Variants in SYN2 observed in about 807,000 individuals in gnomAD.
SYN2 encodes synapsin II, also known as synapsin-2.
SYN2 carries 19 observed loss-of-function variants against 50.9 expected under a neutral mutation model. That is an observed-to-expected ratio of 0.37 (90% CI 0.26 to 0.55). The LOEUF is 0.55. Among genes scored for constraint, SYN2 ranks in the 20% least tolerant of loss-of-function variants. The probability of loss-of-function intolerance (pLI) is 0.81; values close to 1 mark genes in which losing one functional copy is unlikely to be tolerated. For missense variants in SYN2, 587 were observed against 576.4 expected (o/e 1.02, Z -0.19); for synonymous variants, 255 against 224.9 (o/e 1.13, Z -1.20).
At chr3:12,124,185 CAAAAT>C (rs893431275) in intron 1 of SYN2, among the ~76,000 whole-genome samples, 29 of 151,694 alleles carry the variant, frequency 1.9e-4, no homozygotes, top group African/African-American at 7.0e-4. Context: ...TAAAGCAAAA[CAAAAT>C]AAAAATAGAA....
At chr3:12,170,367 G>T (rs1697911835) in intron 10 of SYN2, among the ~76,000 whole-genome samples, 1 of 152,188 alleles carries the variant, frequency 6.6e-6, no homozygotes, top group African/African-American at 2.4e-5. Context: ...GGAGAGTCAG[G>T]TCCCTCATTC....
At chr3:12,010,670 A>G (rs1166882710) in intron 1 of SYN2, among the ~76,000 whole-genome samples, 2 of 152,204 alleles carry the variant, frequency 1.3e-5, no homozygotes, top group African/African-American at 4.8e-5. Flanking sequence ...CCTTTCCAGT[A>G]CTGTATTATT....
chr3:12,020,745 T>C (rs1694116365), intron 1 of SYN2, among the ~76,000 whole-genome samples: 1 of 152,202 alleles, frequency 6.6e-6, no homozygotes, highest in South Asian at 2.1e-4. Context: ...AGGTTTCCCA[T>C]GTACTTCATA....
At chr3:12,116,320 G>T (rs1696432250) in intron 1 of SYN2, among the ~76,000 whole-genome samples, 2 of 152,192 alleles carry the variant, frequency 1.3e-5, no homozygotes, top group Admixed American at 6.5e-5. Context: ...TCAGAGAAAG[G>T]TTGGAAGAAG....
At chr3:12,107,209 T>C (rs1009364678) in intron 1 of SYN2, among the ~76,000 whole-genome samples, 3 of 152,170 alleles carry the variant, frequency 2.0e-5, no homozygotes, top group Admixed American at 1.3e-4. Flanking sequence ...ATACTTGAAA[T>C]TGGGCATCAG....
chr3:12,064,948 C>T (rs1695181620), intron 1 of SYN2, among the ~76,000 whole-genome samples: 1 of 151,966 alleles, frequency 6.6e-6, no homozygotes, highest in African/African-American at 2.4e-5. Flanking sequence ...TTCATATAGC[C>T]AAAAAGTGAA....
chr3:12,009,320 ATC>A (rs35679629), intron 1 of SYN2, among the ~76,000 whole-genome samples: 16,180 of 150,640 alleles, frequency 0.11, 1,116 homozygotes, highest in African/African-American at 0.19. Context: ...TAGAACTTTA[ATC>A]TCTCTACCAT....
At chr3:12,183,179 A>G (rs962814311) in intron 10 of SYN2, 133 bp from the exon 11 acceptor site, 6 of 1,267,340 alleles carry the variant, frequency 4.7e-6, no homozygotes, top group Non-Finnish European at 5.3e-6. Flanking sequence ...GCAGAAGCCT[A>G]TGGCCAGATC....
intron 4 of SYN2, among the ~76,000 whole-genome samples, chr3:12,147,143 T>C (rs1046329655): frequency 6.6e-6 from 1 of 152,138 alleles, no homozygotes; most frequent in African/African-American, 2.4e-5. Context: ...TTGTGTCTAA[T>C]TGTGAAGTTT....
intron 1 of SYN2, among the ~76,000 whole-genome samples, chr3:12,036,899 G>T (rs1490385427): frequency 6.6e-6 from 1 of 152,006 alleles, no homozygotes; most frequent in Non-Finnish European, 1.5e-5. Flanking sequence ...TACTATAAGG[G>T]GCCAAAGGAA....
chr3:12,173,880 C>G (rs1429555440), intron 10 of SYN2, among the ~76,000 whole-genome samples: 2 of 152,158 alleles, frequency 1.3e-5, no homozygotes, highest in Non-Finnish European at 2.9e-5. Context: ...TACCAGTGCA[C>G]CTGGGTGACA....
At chr3:12,179,231 T>C (rs1698165404) in intron 10 of SYN2, among the ~76,000 whole-genome samples, 1 of 147,240 alleles carries the variant, frequency 6.8e-6, no homozygotes, top group Non-Finnish European at 1.5e-5. Context: ...CCTGAAAGCC[T>C]ATACCTGCAA....
At chr3:12,095,496 C>T (rs9828885) in intron 1 of SYN2, among the ~76,000 whole-genome samples, 77,691 of 79,332 alleles carry the variant, frequency 0.98, 38,060 homozygotes, top group Middle Eastern at 0.99. Flanking sequence ...TTCAGTGAGC[C>T]GAGATGGCGC....
At chr3:12,113,687 A>G (rs968605104) in intron 1 of SYN2, among the ~76,000 whole-genome samples, 1 of 152,184 alleles carries the variant, frequency 6.6e-6, no homozygotes, top group Non-Finnish European at 1.5e-5. Context: ...TTTAATAAAA[A>G]TGAAATCACA....
chr3:12,086,508 A>G (rs1347328698), intron 1 of SYN2, among the ~76,000 whole-genome samples: 1 of 152,194 alleles, frequency 6.6e-6, no homozygotes, highest in Non-Finnish European at 1.5e-5. Context: ...TATTTAAAAG[A>G]TCATTCACCG....
At chr3:12,155,048 CGTTCAGGGTGGTATGGCCGTAGAT>C (rs1697416168) in intron 5 of SYN2, among the ~76,000 whole-genome samples, 2 of 20,662 alleles carry the variant, frequency 9.7e-5, no homozygotes, top group Middle Eastern at 0.038. Flanking sequence ...AGATCGGGCG[CGTTCAGGGTGGTATGGCCGTAGAT>C]TCCTTTTCAC....
At chr3:12,102,397 C>T (rs1338896979) in intron 1 of SYN2, among the ~76,000 whole-genome samples, 1 of 152,050 alleles carries the variant, frequency 6.6e-6, no homozygotes, top group African/African-American at 2.4e-5. Context: ...TTCAATGAGT[C>T]AGGCAATAAC....
intron 1 of SYN2, among the ~76,000 whole-genome samples, chr3:12,087,803 C>T (rs1695738395): frequency 6.6e-6 from 1 of 151,896 alleles, no homozygotes; most frequent in South Asian, 2.1e-4. Context: ...TGATTTTCAA[C>T]AAAGGTGCTA....
chr3:12,158,652 A>G (rs1276893785), intron 5 of SYN2: 3 of 1,602,842 alleles, frequency 1.9e-6, no homozygotes, highest in Non-Finnish European at 2.5e-6. Context: ...GCCAGATACT[A>G]ATCCCCCACA....
Sources: allele counts gnomAD v4.1 joint callset (sites outside exome capture counted in the v4.1 genomes callset), GRCh38; gene constraint gnomAD v4.1.1; transcripts MANE v1.5; gene names NCBI Gene and HGNC (gene_info 2026-07-23, HGNC 2026-07-21).